CIMIP2A: variants seen among roughly 807,000 people sequenced by gnomAD.
The protein encoded by CIMIP2A is family with sequence similarity 166 member A.
the CIMIP2A span, among the ~76,000 whole-genome samples, chr9:137,249,191 G>A: frequency 2.0e-5 from 3 of 152,152 alleles, no homozygotes; most frequent in African/African-American, 4.8e-5. Context: ...ACCGCAGTCC[G>A]TAAATATAAG....
chr9:137,253,330 T>G, the CIMIP2A span: 1 of 1,550,028 alleles, frequency 6.5e-7, no homozygotes, highest in Non-Finnish European at 8.7e-7. Context: ...CCCCTGGGAC[T>G]TGGGGCCCCA....
At chr9:137,251,322 G>C in the CIMIP2A span, 24 of 1,613,592 alleles carry the variant, frequency 1.5e-5, no homozygotes, top group Admixed American at 3.3e-5. Context: ...TGAAATTCCT[G>C]GCAAATTTTT....
the CIMIP2A span, chr9:137,243,768 G>A: frequency 1.2e-6 from 2 of 1,613,954 alleles, no homozygotes; most frequent in East Asian, 4.5e-5. Context: ...CCGAATGTCA[G>A]GGCGTAGTTG....
the CIMIP2A span, chr9:137,252,058 A>G: frequency 6.2e-7 from 1 of 1,613,128 alleles, no homozygotes; most frequent in Non-Finnish European, 8.5e-7. Context: ...CCCACCAGGT[A>G]CCAGGTGCCG....
At chr9:137,247,652 G>A in the CIMIP2A span, 1 of 1,612,374 alleles carries the variant, frequency 6.2e-7, no homozygotes. Flanking sequence ...AGAGCTCCCG[G>A]CTCTCACCCA....
chr9:137,245,769 A>G, the CIMIP2A span: 1 of 1,558,848 alleles, frequency 6.4e-7, no homozygotes, highest in Non-Finnish European at 8.7e-7. Flanking sequence ...TCTTCTGCAC[A>G]CTGGGGTCTG....
At chr9:137,244,290 T>G in the CIMIP2A span, 1 of 1,613,634 alleles carries the variant, frequency 6.2e-7, no homozygotes, top group Non-Finnish European at 8.5e-7. Flanking sequence ...AAACAGGAAC[T>G]GGGGAGACAG....
At chr9:137,254,238 C>T in the CIMIP2A span, among the ~76,000 whole-genome samples, 3 of 152,256 alleles carry the variant, frequency 2.0e-5, no homozygotes, top group South Asian at 6.2e-4. Context: ...ATCCCAGGCT[C>T]AGGATTGTGT....
chr9:137,243,855 A>G, the CIMIP2A span: 28 of 1,547,554 alleles, frequency 1.8e-5, no homozygotes, highest in Non-Finnish European at 2.5e-5. Flanking sequence ...CTGGACACCC[A>G]GGCTTCAGAG....
chr9:137,248,235 G>A, the CIMIP2A span, among the ~76,000 whole-genome samples: 1 of 152,100 alleles, frequency 6.6e-6, no homozygotes, highest in African/African-American at 2.4e-5. Context: ...TGTACAGGAA[G>A]GACTTCCTAA....
At chr9:137,247,642 A>T in the CIMIP2A span, 1 of 1,610,692 alleles carries the variant, frequency 6.2e-7, no homozygotes, top group South Asian at 1.1e-5. Context: ...AGCCACCTCC[A>T]GAGCTCCCGG....
At chr9:137,250,406 A>T in the CIMIP2A span, 1 of 152,420 alleles carries the variant, frequency 6.6e-6, no homozygotes, top group East Asian at 1.9e-4. Flanking sequence ...CCCCTCGCCC[A>T]GATAAAACCC....
chr9:137,254,100 C>A, the CIMIP2A span, among the ~76,000 whole-genome samples: 2 of 152,336 alleles, frequency 1.3e-5, no homozygotes, highest in African/African-American at 4.8e-5. Flanking sequence ...CCTGCGGTGC[C>A]GTCACCCGCA....
At chr9:137,246,534 C>A in the CIMIP2A span, among the ~76,000 whole-genome samples, 1 of 151,762 alleles carries the variant, frequency 6.6e-6, no homozygotes, top group African/African-American at 2.4e-5. Context: ...GAGGCTGAGG[C>A]GGGCGGATCA....
the CIMIP2A span, chr9:137,253,343 C>T: frequency 1.3e-6 from 2 of 1,545,624 alleles, no homozygotes; most frequent in Non-Finnish European, 1.7e-6. Flanking sequence ...GGGCCCCAGC[C>T]TGGCCTTCTG....
At chr9:137,252,186 G>A in the CIMIP2A span, 2 of 1,570,888 alleles carry the variant, frequency 1.3e-6, no homozygotes, top group Non-Finnish European at 1.7e-6. Context: ...CCTCACCCTG[G>A]GAATGGGGGC....
chr9:137,249,192 T>C, the CIMIP2A span, among the ~76,000 whole-genome samples: 1 of 152,154 alleles, frequency 6.6e-6, no homozygotes. Context: ...CCGCAGTCCG[T>C]AAATATAAGG....
At chr9:137,251,357 C>T in the CIMIP2A span, 2 of 1,613,484 alleles carry the variant, frequency 1.2e-6, no homozygotes, top group Non-Finnish European at 1.7e-6. Context: ...AAACACTGGA[C>T]CCATGGTCAC....
the CIMIP2A span, chr9:137,245,871 G>A: frequency 4.0e-6 from 6 of 1,493,372 alleles, no homozygotes; most frequent in Non-Finnish European, 5.4e-6. Flanking sequence ...GGGAAGAGAA[G>A]AAGGCAGGGC....
Sources: gnomAD v4.1 joint callset for allele counts (sites outside exome capture counted in the v4.1 genomes callset) on GRCh38, gnomAD v4.1.1 for gene constraint, MANE v1.5 for transcripts, NCBI Gene and HGNC (gene_info 2026-07-23, HGNC 2026-07-21) for gene names.